PLD1: variants seen among roughly 807,000 people sequenced by gnomAD.
PLD1 encodes choline phosphatase 1.
In PLD1, 112 loss-of-function variants were observed where a neutral mutation model predicts 137.1. That is an observed-to-expected ratio of 0.82 (90% confidence interval 0.70 to 0.96). The LOEUF is 0.96. PLD1 is among the 40% of genes least tolerant of loss of function. The pLI is 0.00. For synonymous variants in PLD1, 431 were observed against 454.7 expected, an observed-to-expected ratio of 0.95 and a Z score of 0.66; for missense variants, 1,321 against 1,342.0, an observed-to-expected ratio of 0.98 and a Z score of 0.24.
intron 4 of PLD1, 104 bp from the exon 5 acceptor site, chr3:171,735,074 T>C (rs1719250131): frequency 4.4e-6 from 3 of 679,906 alleles, no homozygotes; most frequent in African/African-American, 3.6e-5. Context: ...GACTATTTAA[T>C]TGAAAATATC....
At chr3:171,746,786 T>A (rs1720222278) in intron 1 of PLD1, among the ~76,000 whole-genome samples, 1 of 152,120 alleles carries the variant, frequency 6.6e-6, no homozygotes, top group African/African-American at 2.4e-5. Flanking sequence ...CTCTGTAAAA[T>A]GGACGAATCA....
intron 13 of PLD1, 73 bp from the exon 14 acceptor site, chr3:171,688,949 G>T: frequency 9.0e-7 from 1 of 1,109,004 alleles, no homozygotes; most frequent in Non-Finnish European, 1.4e-6. Flanking sequence ...ATAGGTCTGT[G>T]TTCTCCCTGA....
intron 11 of PLD1, among the ~76,000 whole-genome samples, chr3:171,700,939 C>T (rs1396419318): frequency 1.3e-5 from 2 of 152,202 alleles, no homozygotes; most frequent in African/African-American, 2.4e-5. Context: ...GTAGAAAATA[C>T]TCCTTTCTCC....
chr3:171,716,341 T>G (rs534660486), intron 8 of PLD1, among the ~76,000 whole-genome samples: 21 of 152,222 alleles, frequency 1.4e-4, no homozygotes, highest in Non-Finnish European at 2.5e-4. Flanking sequence ...CTGAACTAAT[T>G]TACGCTCCAA....
chr3:171,728,393 C>T (rs913931059), intron 6 of PLD1, among the ~76,000 whole-genome samples: 1 of 152,220 alleles, frequency 6.6e-6, no homozygotes, highest in Non-Finnish European at 1.5e-5. Context: ...CAGTATCATG[C>T]ATTTTTATCT....
chr3:171,650,758 C>T (rs534122879), intron 21 of PLD1, among the ~76,000 whole-genome samples: 1 of 152,068 alleles, frequency 6.6e-6, no homozygotes, highest in Admixed American at 6.5e-5. Flanking sequence ...ATTAGCCAGG[C>T]GTGGTGGCGG....
intron 21 of PLD1, among the ~76,000 whole-genome samples, chr3:171,657,368 A>G (rs1238757833): frequency 6.6e-6 from 1 of 152,224 alleles, no homozygotes; most frequent in Non-Finnish European, 1.5e-5. Flanking sequence ...ACTGGAAGTA[A>G]AAAGTGTTTT....
chr3:171,638,100 G>T (rs1440323274), intron 23 of PLD1, among the ~76,000 whole-genome samples: 1 of 150,994 alleles, frequency 6.6e-6, no homozygotes, highest in Non-Finnish European at 1.5e-5. Context: ...CAGGAGAATG[G>T]CATGAACCTG....
At chr3:171,624,584 G>A (rs1242875512) in intron 23 of PLD1, among the ~76,000 whole-genome samples, 1 of 151,922 alleles carries the variant, frequency 6.6e-6, no homozygotes, top group African/African-American at 2.4e-5. Flanking sequence ...TATATACACA[G>A]TTACCCATTG....
intron 20 of PLD1, among the ~76,000 whole-genome samples, chr3:171,659,938 T>G (rs1737529172): frequency 6.6e-6 from 1 of 152,224 alleles, no homozygotes; most frequent in South Asian, 2.1e-4. Flanking sequence ...TATTTATATA[T>G]CTACAAAATA....
intron 1 of PLD1, among the ~76,000 whole-genome samples, chr3:171,753,688 C>T (rs982027152): frequency 2.6e-5 from 4 of 152,080 alleles, no homozygotes; most frequent in Admixed American, 1.3e-4. Context: ...TCTCCTGTCT[C>T]CCACCTTTGC....
At chr3:171,674,123 C>G (rs569919687) in intron 19 of PLD1, among the ~76,000 whole-genome samples, 28 of 152,308 alleles carry the variant, frequency 1.8e-4, no homozygotes, top group African/African-American at 6.0e-4. Context: ...TAATCAGGAA[C>G]TAAAATTAGA....
intron 1 of PLD1, chr3:171,793,222 G>A (rs1400134357): frequency 6.6e-6 from 1 of 152,148 alleles, no homozygotes; most frequent in Non-Finnish European, 1.5e-5. Flanking sequence ...ATTCTGGGCT[G>A]GCTCATATAG....
chr3:171,606,290 T>C (rs1732197247), intron 25 of PLD1, among the ~76,000 whole-genome samples: 1 of 152,174 alleles, frequency 6.6e-6, no homozygotes, highest in African/African-American at 2.4e-5. Context: ...GTAGAGCTGG[T>C]TTGTGGGAGA....
At chr3:171,804,294 C>G (rs1723757743) in intron 1 of PLD1, among the ~76,000 whole-genome samples, 1 of 151,810 alleles carries the variant, frequency 6.6e-6, no homozygotes, top group East Asian at 1.9e-4. Context: ...GCTGTTTACC[C>G]AAAATGCCAC....
At chr3:171,704,666 TC>T (rs1433362425) in intron 11 of PLD1, among the ~76,000 whole-genome samples, 1 of 152,106 alleles carries the variant, frequency 6.6e-6, no homozygotes, top group African/African-American at 2.4e-5. Flanking sequence ...ATAAAAATTT[TC>T]AAAGTGAAAA....
Position 171,735,637 on chromosome 3 carries a change from C to A in PLD1, c.289G>T (p.Val97Leu), listed in dbSNP as rs1399603541. ...ATAGTGTAAAGATTAATACTTGGTA[C>A]CTACAGTGATACATAAAAATGTTTG... Reference protein sequence around the residue: ...EVERFTSTTRVPSINLYTIEL... With the variant: ...EVERFTSTTRLPSINLYTIEL... The change falls in exon 4 of 27, where the codon GTA (valine) becomes TTA (leucine). Residue 97 changes from valine (V) to leucine (L), a missense_variant and splice_region_variant. Coordinates refer to ENST00000351298, the MANE Select transcript of PLD1 (RefSeq NM_002662.5). 1 of 1,481,416 alleles carries A rather than the reference C, an allele frequency of 6.8e-7. No individual in the cohort carries two copies. The highest frequency in any genetic ancestry group is 1.4e-5 in the African/African-American group (1 of 72,288). 91.8% of individuals were successfully genotyped at this position (1,481,416 alleles called of 1,614,324 possible). A position where few individuals can be genotyped will look rare whatever the true frequency, so the allele number is the denominator to read the frequency against.
At chr3:171,631,975 T>G (rs2108334959) in intron 23 of PLD1, among the ~76,000 whole-genome samples, 1 of 152,284 alleles carries the variant, frequency 6.6e-6, no homozygotes, top group South Asian at 2.1e-4. Context: ...AGCAGGATAC[T>G]TATATACACC....
intron 12 of PLD1, 23 bp from the exon 13 acceptor site, chr3:171,692,465 G>A (rs771798321): frequency 1.9e-6 from 2 of 1,055,202 alleles, no homozygotes; most frequent in Admixed American, 3.4e-5. Context: ...AAAACCGATG[G>A]AGGAATGAGT....
Sources: allele counts gnomAD v4.1 joint callset (sites outside exome capture counted in the v4.1 genomes callset), GRCh38; gene constraint gnomAD v4.1.1; transcripts MANE v1.5; gene names NCBI Gene and HGNC (gene_info 2026-07-23, HGNC 2026-07-21).